ST7: variants seen among roughly 807,000 people sequenced by gnomAD.
The protein encoded by ST7 is suppressor of tumorigenicity 7 protein.
Under a neutral mutation model 78.7 loss-of-function variants are expected in ST7, and 28 were observed. That is an observed-to-expected ratio of 0.36 (90% confidence interval 0.26 to 0.49). The LOEUF (loss-of-function observed/expected upper bound fraction) is 0.49. Ranked by LOEUF, ST7 falls within the 20% of genes least tolerant of loss-of-function variation. The pLI, the probability that ST7 is intolerant of heterozygous loss-of-function variation, is 0.99. For missense variants in ST7, 418 were observed against 696.0 expected, an observed-to-expected ratio of 0.60 and a Z score of 4.49; for synonymous variants, 247 against 249.6, an observed-to-expected ratio of 0.99 and a Z score of 0.10.
intron 9 of ST7, among the ~76,000 whole-genome samples, chr7:117,149,868 T>C (rs373339141): frequency 4.6e-5 from 7 of 152,302 alleles, no homozygotes; most frequent in Admixed American, 3.3e-4. Context: ...TAGGGTTTAC[T>C]TGTGGTTGCC....
At chr7:117,228,336 A>G (rs1254508401) in intron 15 of ST7, among the ~76,000 whole-genome samples, 1 of 152,176 alleles carries the variant, frequency 6.6e-6, no homozygotes, top group East Asian at 1.9e-4. Flanking sequence ...GGCCCCCTCC[A>G]TCACTGGGCT....
chr7:117,175,215 AT>A, intron 10 of ST7, among the ~76,000 whole-genome samples: 1 of 152,304 alleles, frequency 6.6e-6, no homozygotes, highest in Non-Finnish European at 1.5e-5. Flanking sequence ...CTCTTCAGTC[AT>A]ACATTTGCTA....
chr7:117,119,759 C>T (rs747280926), intron 3 of ST7, 39 bp downstream of exon 3: 13 of 1,592,850 alleles, frequency 8.2e-6, no homozygotes, highest in East Asian at 2.2e-5. Flanking sequence ...TATTTGCTTA[C>T]TGTTACTAAA....
At chr7:117,184,420 C>G (rs963738715) in intron 10 of ST7, among the ~76,000 whole-genome samples, 1 of 152,178 alleles carries the variant, frequency 6.6e-6, no homozygotes, top group Non-Finnish European at 1.5e-5. Flanking sequence ...GTTGCTTCCT[C>G]AAAATAAAAT....
At chr7:117,100,126 A>G (rs1406472442) in intron 2 of ST7, among the ~76,000 whole-genome samples, 1 of 152,224 alleles carries the variant, frequency 6.6e-6, no homozygotes, top group African/African-American at 2.4e-5. Context: ...TCTCTGTCAA[A>G]TTTTACTATC....
chr7:116,959,219 A>G lies in ST7; in HGVS notation c.151+5528A>G, dbSNP rs576286406. ...AAACACTTTCTTTGCTCATCAAAAG[A>G]AACAGCTCTTTATCCGTTCAAGTTT... On this transcript the variant is annotated intron_variant, in intron 1 of 15. Coordinates refer to ENST00000323984, the MANE Select transcript of ST7 (RefSeq NM_001369598.1). 51 of 470,896 alleles carry G rather than the reference A, an allele frequency of 1.1e-4. 1 individual carries two copies. The highest frequency in any genetic ancestry group is 7.0e-4 in the South Asian group (45 of 64,564). The allele number at this position is 470,896 out of a possible 1,614,324, so 29.2% of individuals were successfully genotyped here. A position where few individuals can be genotyped will look rare whatever the true frequency, so the allele number is the denominator to read the frequency against.
chr7:117,015,103 G>A (rs773066579), intron 1 of ST7: 34 of 631,152 alleles, frequency 5.4e-5, no homozygotes, highest in Non-Finnish European at 7.2e-5. Flanking sequence ...TACATTGATT[G>A]TGTGAGTACT....
chr7:117,209,162 T>C (rs1359792264), intron 12 of ST7, among the ~76,000 whole-genome samples: 1 of 152,144 alleles, frequency 6.6e-6, no homozygotes, highest in East Asian at 1.9e-4. Flanking sequence ...AGGTGTACGC[T>C]GAGACCCCCA....
Position 117,044,356 on chromosome 7 carries a change from A to T in ST7, c.152-55406A>T, listed in dbSNP as rs560753891. 2.0e-5 allele frequency among the ~76,000 whole-genome samples: 3 copies of T among 152,150 alleles called. No homozygotes were observed. In the South Asian group the frequency reaches 6.2e-4, roughly 32 times the overall value. On this transcript the variant is annotated intron_variant, in intron 1 of 15. Transcript: ENST00000323984. ...TAGGTACCTTCTAGGTGCTTTGTAT[A>T]TTCATGTAGATCCCTAAGGTAGGCG...
intron 13 of ST7, among the ~76,000 whole-genome samples, chr7:117,215,730 A>G (rs1467173489): frequency 6.6e-6 from 1 of 152,160 alleles, no homozygotes; most frequent in Non-Finnish European, 1.5e-5. Flanking sequence ...CACCGTGGGA[A>G]CCTTTGCTCT....
chr7:117,116,492 A>G (rs930067604), intron 2 of ST7, among the ~76,000 whole-genome samples: 1 of 152,192 alleles, frequency 6.6e-6, no homozygotes, highest in Non-Finnish European at 1.5e-5. Context: ...AAAGCCTGAC[A>G]TATTTCAGGA....
rs563080116 is a variant in ST7, at chr7:116,974,179, A to G, written c.151+20488A>G. 3.3e-5 allele frequency among the ~76,000 whole-genome samples: 5 copies of G among 152,168 alleles called. No homozygotes were observed. In the South Asian group the frequency reaches 6.2e-4, roughly 19 times the overall value. On this transcript the variant is annotated intron_variant, in intron 1 of 15. Coordinates refer to ENST00000323984, the MANE Select transcript of ST7 (RefSeq NM_001369598.1). ...TAATTTTTAAATATCCCCCTCAGGT[A>G]TTCTTGTACTTAAAAATTCTTTGTA... is the stretch of plus-strand genomic sequence containing the variant.
chr7:117,053,799 G>A (rs1186418865), intron 1 of ST7, among the ~76,000 whole-genome samples: 1 of 151,864 alleles, frequency 6.6e-6, no homozygotes, highest in Non-Finnish European at 1.5e-5. Context: ...GGAGAGTGAT[G>A]TACTGATGTT....
At chr7:117,213,346 A>G (rs1792439565) in intron 13 of ST7, among the ~76,000 whole-genome samples, 2 of 152,222 alleles carry the variant, frequency 1.3e-5, no homozygotes, top group South Asian at 4.1e-4. Flanking sequence ...AGGTAACAGT[A>G]CCTAATTTTA....
intron 1 of ST7, among the ~76,000 whole-genome samples, chr7:117,061,046 T>C (rs1401109395): frequency 6.6e-6 from 1 of 151,942 alleles, no homozygotes; most frequent in Non-Finnish European, 1.5e-5. Flanking sequence ...CATAAATAAA[T>C]GGGAAAATAA....
Position 117,229,960 on chromosome 7 carries a change from C to T in ST7, c.*103C>T, listed in dbSNP as rs1374550629. The T allele has an allele frequency of 9.5e-7, 1 of 1,052,522 alleles. No individual in the cohort carries two copies. The highest frequency in any genetic ancestry group is 2.4e-5 in the East Asian group (1 of 42,440). 65.2% of individuals were successfully genotyped at this position (1,052,522 alleles called of 1,614,324 possible). On this transcript the variant is annotated 3_prime_UTR_variant, in exon 16 of 16. Coordinates refer to ENST00000323984, the MANE Select transcript of ST7 (RefSeq NM_001369598.1). ...AAGCATGACTTTGAAAAAGGGAAGC[C>T]ATTCCGAGATTTTAAAATGTTCATG...
At chr7:117,046,602 T>G (rs1797504378) in intron 1 of ST7, among the ~76,000 whole-genome samples, 1 of 152,166 alleles carries the variant, frequency 6.6e-6, no homozygotes, top group Non-Finnish European at 1.5e-5. Context: ...TGGGGCTTTC[T>G]TCTATTCTTC....
chr7:117,153,868 G>A (rs142028765), intron 9 of ST7, among the ~76,000 whole-genome samples: 1 of 152,274 alleles, frequency 6.6e-6, no homozygotes, highest in East Asian at 1.9e-4. Context: ...GGAAAAGAGA[G>A]GTGATGATAC....
rs755911248 is a variant in ST7, at chr7:117,119,686, C to T, written c.360C>T (p.Asn120=). The T allele has an allele frequency of 1.7e-5, 28 of 1,613,218 alleles. No homozygotes were observed. The highest frequency in any genetic ancestry group is 4.0e-5 in the African/African-American group (3 of 74,890). The change falls in exon 3 of 16, where the codon AAC becomes AAT. Residue 120 remains asparagine, a synonymous_variant. Coordinates refer to ENST00000323984, the MANE Select transcript of ST7 (RefSeq NM_001369598.1). The part of the protein sequence containing the change: ...NNSSNNSNSS[N]GDSDSNRQSV... ...CTTCCAACAATTCTAATTCCAGTAA[C>T]GGGGACTCAGATTCCAATAGGCAAA...
Sources: allele counts gnomAD v4.1 joint callset (sites outside exome capture counted in the v4.1 genomes callset), GRCh38; gene constraint gnomAD v4.1.1; transcripts MANE v1.5; gene names NCBI Gene and HGNC (gene_info 2026-07-23, HGNC 2026-07-21).